TLL1: variants seen among roughly 807,000 people sequenced by gnomAD.
TLL1 encodes tolloid like 1.
TLL1 carries 49 observed loss-of-function variants against 128.2 expected under a neutral mutation model. The observed-to-expected ratio is 0.38, with a 90% CI of 0.30 to 0.48. The LOEUF (loss-of-function observed/expected upper bound fraction) is 0.48, where lower values mean the gene tolerates loss of function less well. TLL1 is among the 20% of genes least tolerant of loss of function. TLL1 has a pLI of 0.96. For synonymous variants in TLL1, 454 were observed against 418.8 expected, an observed-to-expected ratio of 1.08 and a Z score of -1.03; for missense variants, 1,123 against 1,242.0, an observed-to-expected ratio of 0.90 and a Z score of 1.44.
rs575362141 is a variant in TLL1, at chr4:166,055,935, A to C, written c.1720+664A>C. 2.6e-3 allele frequency among the ~76,000 whole-genome samples: 396 copies of C among 152,236 alleles called. 2 individuals are homozygous for C. Among genetic ancestry groups the C allele is most frequent in the African/African-American group, 8.4e-3 (349 of 41,566 alleles). Reference sequence around the variant, plus strand: ...ATAAAATTTTTCTATGGGAAGAGAAAACAAAATTTTCCTCCATATTGATTT... The same window carrying C: ...ATAAAATTTTTCTATGGGAAGAGAACACAAAATTTTCCTCCATATTGATTT... On this transcript the variant is annotated intron_variant, in intron 13 of 20. Coordinates refer to ENST00000061240, the MANE Select transcript of TLL1 (RefSeq NM_012464.5).
chr4:165,957,849 C>G (rs1371651204), intron 1 of TLL1, among the ~76,000 whole-genome samples: 3 of 136,828 alleles, frequency 2.2e-5, no homozygotes, highest in African/African-American at 5.5e-5. Flanking sequence ...TCTCCTAATG[C>G]TATCCCTCCC....
At chr4:165,916,581 T>A (rs1197675415) in intron 1 of TLL1, among the ~76,000 whole-genome samples, 2 of 152,142 alleles carry the variant, frequency 1.3e-5, no homozygotes, top group Non-Finnish European at 2.9e-5. Context: ...AGAAGGTAGA[T>A]AAAGGATATA....
chr4:165,919,033 A>C (rs543019556), intron 1 of TLL1, among the ~76,000 whole-genome samples: 2 of 152,192 alleles, frequency 1.3e-5, no homozygotes, highest in Non-Finnish European at 2.9e-5. Flanking sequence ...TAATAATGGA[A>C]TATATGTGTA....
chr4:166,014,313 A>C (rs56706178), intron 7 of TLL1, 123 bp from the exon 8 acceptor site: 182,560 of 1,438,558 alleles, frequency 0.13, 11,845 homozygotes, highest in Middle Eastern at 0.15. Context: ...ACACTGCTTA[A>C]AGCACACAAG....
At chr4:166,053,984 T>G (rs1011972514) in intron 12 of TLL1, among the ~76,000 whole-genome samples, 1 of 152,160 alleles carries the variant, frequency 6.6e-6, no homozygotes, top group Admixed American at 6.6e-5. Context: ...TTTTGTTTTT[T>G]TTTGTTGGTT....
intron 9 of TLL1, among the ~76,000 whole-genome samples, chr4:166,026,615 A>T (rs1044572087): frequency 6.6e-6 from 1 of 152,232 alleles, no homozygotes. Flanking sequence ...TGAACCTAGT[A>T]GGCGGAGGTT....
chr4:165,963,054 C>CA (rs869191830), intron 1 of TLL1, among the ~76,000 whole-genome samples: 4,792 of 18,242 alleles, frequency 0.26, 879 homozygotes, highest in African/African-American at 0.31. Context: ...GGCTCTGTCT[C>CA]AAAAAAAAAA....
At chr4:166,021,542 C>G (rs1332145047) in intron 8 of TLL1, among the ~76,000 whole-genome samples, 1 of 150,916 alleles carries the variant, frequency 6.6e-6, no homozygotes, top group Non-Finnish European at 1.5e-5. Flanking sequence ...AAGCAATTCT[C>G]CTGCCTCAGC....
chr4:165,881,934 T>G (rs1158224791), intron 1 of TLL1, among the ~76,000 whole-genome samples: 1 of 152,178 alleles, frequency 6.6e-6, no homozygotes, highest in Non-Finnish European at 1.5e-5. Context: ...TTAAATTTAC[T>G]CGGAGTATTC....
At chr4:165,925,754 A>G (rs1360598056) in intron 1 of TLL1, among the ~76,000 whole-genome samples, 3 of 152,198 alleles carry the variant, frequency 2.0e-5, no homozygotes, top group African/African-American at 4.8e-5. Context: ...GAAAGAGTCA[A>G]TTGATGTGAC....
intron 1 of TLL1, among the ~76,000 whole-genome samples, chr4:165,930,618 A>G (rs1394887498): frequency 6.6e-6 from 1 of 152,174 alleles, no homozygotes; most frequent in East Asian, 1.9e-4. Flanking sequence ...CTTTACAGAG[A>G]AAGTTTACTG....
At chr4:166,050,339 A>G (rs1005332851) in intron 12 of TLL1, among the ~76,000 whole-genome samples, 1 of 152,122 alleles carries the variant, frequency 6.6e-6, no homozygotes, top group East Asian at 1.9e-4. Context: ...TTATCCATTC[A>G]TCTATCAATG....
intron 1 of TLL1, among the ~76,000 whole-genome samples, chr4:165,883,393 C>G (rs1337180101): frequency 5.3e-5 from 8 of 152,200 alleles, no homozygotes; most frequent in African/African-American, 1.9e-4. Context: ...GAATAATGAT[C>G]TATTAAAAAT....
chr4:165,911,559 A>G (rs1248946103), intron 1 of TLL1, among the ~76,000 whole-genome samples: 1 of 152,174 alleles, frequency 6.6e-6, no homozygotes, highest in Non-Finnish European at 1.5e-5. Context: ...CTTCCTTGAT[A>G]TAGGAAAGCA....
chr4:166,007,919 A>T, intron 6 of TLL1, 24 bp from the exon 7 acceptor site: 1 of 1,510,760 alleles, frequency 6.6e-7, no homozygotes, highest in Non-Finnish European at 9.2e-7. Flanking sequence ...GGCTTCTGAG[A>T]TTTTGTTTAT....
At chr4:166,009,807 C>A (rs989589920) in intron 7 of TLL1, among the ~76,000 whole-genome samples, 9 of 149,782 alleles carry the variant, frequency 6.0e-5, no homozygotes, top group African/African-American at 2.2e-4. Context: ...TTTGAAATTT[C>A]TTTTTTTTTC....
chr4:165,947,915 A>G (rs139810965), intron 1 of TLL1, among the ~76,000 whole-genome samples: 24 of 152,308 alleles, frequency 1.6e-4, no homozygotes, highest in African/African-American at 5.1e-4. Flanking sequence ...CAGAGGCTAT[A>G]AAACGAAATA....
At chr4:165,891,497 T>C (rs1223856921) in intron 1 of TLL1, among the ~76,000 whole-genome samples, 1 of 152,206 alleles carries the variant, frequency 6.6e-6, no homozygotes, top group Non-Finnish European at 1.5e-5. Flanking sequence ...GCTTTGCTGC[T>C]TAGAAATTTC....
At chr4:165,966,696 T>C (rs1579557244) in intron 1 of TLL1, among the ~76,000 whole-genome samples, 1 of 152,098 alleles carries the variant, frequency 6.6e-6, no homozygotes, top group Non-Finnish European at 1.5e-5. Flanking sequence ...AACCAGCAAG[T>C]TTTTATTATG....
Sources: allele counts gnomAD v4.1 joint callset (sites outside exome capture counted in the v4.1 genomes callset), GRCh38; gene constraint gnomAD v4.1.1; transcripts MANE v1.5; gene names NCBI Gene and HGNC (gene_info 2026-07-23, HGNC 2026-07-21).